Variants in ATP6V0D1 observed in about 807,000 individuals in gnomAD.
The protein encoded by ATP6V0D1 is ATPase H+ transporting V0 subunit d1.
Under a neutral mutation model 39.0 loss-of-function variants are expected in ATP6V0D1, and 13 were observed. The observed-to-expected ratio is 0.33, with a 90% CI of 0.22 to 0.53. The LOEUF is 0.53. ATP6V0D1 is among the 20% of genes least tolerant of loss of function. The pLI is 0.94. For missense variants in ATP6V0D1, 272 were observed against 470.9 expected (o/e 0.58, Z 3.91); for synonymous variants, 191 against 191.2 (o/e 1.00, Z 0.01).
chr16:67,451,052 T>C (rs1264352075), intron 2 of ATP6V0D1, among the ~76,000 whole-genome samples: 1 of 152,176 alleles, frequency 6.6e-6, no homozygotes, highest in Non-Finnish European at 1.5e-5. Flanking sequence ...TGGTGGGGTC[T>C]GCAGGGTGCT....
In ATP6V0D1 at chr16:67,447,897, G is replaced by A. The variant is rs1209410618; in HGVS notation, c.303-3191C>T. ...GCCTGTCCACTGCAGTCCCCAGCAG[G>A]TGCTCCAGTGAGCTGCTAATGACAG... On this transcript the variant is annotated intron_variant, in intron 2 of 7. Transcript: ENST00000290949. This position sits in a 1 kb window ranked among gnomAD's most constrained non-coding sequence, Gnocchi z 4.1. Among the ~76,000 whole-genome samples the A allele has an allele frequency of 6.6e-6, 1 of 152,212 alleles. No homozygotes were observed. Among genetic ancestry groups the A allele is most frequent in the Non-Finnish European group, 1.5e-5 (1 of 68,034 alleles).
At chr16:67,470,145 C>A (rs1038545691) in intron 1 of ATP6V0D1, among the ~76,000 whole-genome samples, 1 of 152,164 alleles carries the variant, frequency 6.6e-6, no homozygotes, top group African/African-American at 2.4e-5. Context: ...CTGCTACCAA[C>A]AAGGCTGGCA....
At chr16:67,466,326 TACACACACACAC>T (rs536624557) in intron 1 of ATP6V0D1, among the ~76,000 whole-genome samples, 3,227 of 120,568 alleles carry the variant, frequency 0.027, 45 homozygotes, top group Non-Finnish European at 0.034. Flanking sequence ...AGTAAACACA[TACACACACACAC>T]ACACACACAC....
intron 1 of ATP6V0D1, chr16:67,459,060 C>T (rs972712347): frequency 1.3e-5 from 13 of 985,840 alleles, no homozygotes; most frequent in Non-Finnish European, 1.6e-5. Context: ...CTCTCCCCCA[C>T]AGCCTGTGAG....
chr16:67,479,732 C>T (rs1488463958), intron 1 of ATP6V0D1, among the ~76,000 whole-genome samples: 1 of 152,172 alleles, frequency 6.6e-6, no homozygotes, highest in Non-Finnish European at 1.5e-5. Flanking sequence ...CCCCACCCAG[C>T]TACCAATTAC....
chr16:67,459,739 G>A (rs1439371292), intron 1 of ATP6V0D1, among the ~76,000 whole-genome samples: 2 of 152,238 alleles, frequency 1.3e-5, no homozygotes, highest in East Asian at 3.8e-4. Context: ...GATGGCACAC[G>A]GCTTTTTCAG....
Position 67,457,397 on chromosome 16 carries a change from G to A in ATP6V0D1, c.131-3682C>T, listed in dbSNP as rs975998117. 2.2e-5 allele frequency: 8 copies of A among 371,644 alleles called. No individual in the cohort carries two copies. In the East Asian group the frequency reaches 2.3e-4, roughly 11 times the overall value. 23.0% of individuals were successfully genotyped at this position (371,644 alleles called of 1,614,324 possible). A position where few individuals can be genotyped will look rare whatever the true frequency, so the allele number is the denominator to read the frequency against. On this transcript the variant is annotated intron_variant, in intron 1 of 7. Transcript: ENST00000290949. ...CTCCCCACTCTGCACCTCCTTTACC[G>A]CTCTATTCCCCAGCCCTTGACCCAG...
Position 67,445,907 on chromosome 16 carries a change from G to C in ATP6V0D1, c.303-1201C>G, listed in dbSNP as rs1261520672. 3 of 455,780 alleles carry C rather than the reference G, an allele frequency of 6.6e-6. No individual in the cohort carries two copies. In the Admixed American group the frequency reaches 7.1e-5, roughly 11 times the overall value. 28.2% of individuals were successfully genotyped at this position (455,780 alleles called of 1,614,324 possible). ...CAGTCTGTCACCAAAGATGAACTCA[G>C]GGTATGAGGGAGCTAAATGAGGCCT... is the stretch of plus-strand genomic sequence containing the variant. On this transcript the variant is annotated intron_variant, in intron 2 of 7. Transcript: ENST00000290949.
At chr16:67,480,235 C>A in intron 1 of ATP6V0D1, among the ~76,000 whole-genome samples, 1 of 151,192 alleles carries the variant, frequency 6.6e-6, no homozygotes, top group East Asian at 1.9e-4. Context: ...GTCAACGCCA[C>A]TCTGGAGCTG....
chr16:67,459,410 G>A (rs1399982089), intron 1 of ATP6V0D1, among the ~76,000 whole-genome samples: 1 of 152,218 alleles, frequency 6.6e-6, no homozygotes, highest in Non-Finnish European at 1.5e-5. Context: ...GGCCTGGGAA[G>A]GCTGCAGCCC....
chr16:67,439,078 G>A lies in ATP6V0D1; in HGVS notation c.709C>T (p.Arg237Cys), dbSNP rs879249040. 3 of 1,614,216 alleles carry A rather than the reference G, an allele frequency of 1.9e-6. No homozygotes were observed. The highest frequency in any genetic ancestry group is 1.7e-5 in the Admixed American group (1 of 60,024). The change falls in exon 6 of 8, where the codon CGT (arginine) becomes TGT (cysteine). Residue 237 changes from arginine (R) to cysteine (C), a missense_variant. By Grantham distance (180) the Arg-to-Cys change is radical. This residue lies in a region of ATP6V0D1 where 135 missense variants were observed against 273.8 expected (regional missense o/e 0.49). Coordinates refer to ENST00000290949, the MANE Select transcript of ATP6V0D1 (RefSeq NM_004691.5). ...CCACAGTGTGGAAAGAGCTTGGCAC[G>A]GTCCTCTTTGGACAGCTCTGTGCCG... Reference protein sequence around the residue: ...SFGTELSKEDRAKLFPHCGRL... With the variant: ...SFGTELSKEDCAKLFPHCGRL...
chr16:67,453,693 G>A lies in ATP6V0D1; in HGVS notation c.153C>T (p.Ser51=), dbSNP rs766667342. 2 of 1,614,064 alleles carry A rather than the reference G, an allele frequency of 1.2e-6. No homozygotes were observed. Among genetic ancestry groups the A allele is most frequent in the East Asian group, 2.2e-5 (1 of 44,882 alleles). ...TLEDLKLHLQ[S]TDYGNFLANE... ...TGGCCAGGAAGTTACCATAATCAGT[G>A]CTCTGCAGATGCAGTTTCAAGTCTG... The change falls in exon 2 of 8, where the codon AGC becomes AGT. Residue 51 remains serine (S), a synonymous_variant. Coordinates refer to ENST00000290949, the MANE Select transcript of ATP6V0D1 (RefSeq NM_004691.5). This position sits in a 1 kb window ranked among gnomAD's most constrained non-coding sequence, Gnocchi z 4.1.
At chr16:67,451,121 G>A (rs2041174913) in intron 2 of ATP6V0D1, among the ~76,000 whole-genome samples, 1 of 152,144 alleles carries the variant, frequency 6.6e-6, no homozygotes, top group African/African-American at 2.4e-5. Flanking sequence ...CTAAGAGGGT[G>A]AGCATGCAAG....
chr16:67,450,453 T>G (rs1180174511), intron 2 of ATP6V0D1, among the ~76,000 whole-genome samples: 1 of 152,160 alleles, frequency 6.6e-6, no homozygotes, highest in African/African-American at 2.4e-5. Context: ...GGGGATGGCC[T>G]GCTGGGGCAG....
At position 67,444,661 on chromosome 16, in the gene ATP6V0D1, C is replaced by A; in HGVS notation, c.348G>T (p.Thr116=). ...IDNVILLITG[T]LHQRSIAELV... ...GCTCAGCGATGGAGCGCTGGTGCAG[C>A]GTGCCTGTGATGAGCAGGATCACGT... Residue 116 remains threonine, a synonymous_variant, in exon 3 of 8, where the codon ACG becomes ACT. Transcript: ENST00000290949. This position sits in a 1 kb window ranked among gnomAD's most constrained non-coding sequence, Gnocchi z 4.8. 2 of 1,611,518 alleles carry A rather than the reference C, an allele frequency of 1.2e-6. No homozygotes were observed. Among genetic ancestry groups the A allele is most frequent in the Non-Finnish European group, 1.7e-6 (2 of 1,178,372 alleles).
At chr16:67,449,843 T>TCCTCACATAACCA (rs1209867117) in intron 2 of ATP6V0D1, among the ~76,000 whole-genome samples, 12 of 152,366 alleles carry the variant, frequency 7.9e-5, no homozygotes, top group Non-Finnish European at 1.6e-4. Flanking sequence ...TGTGTGCGGC[T>TCCTCACATAACCA]GAAGGCTGGC....
intron 1 of ATP6V0D1, among the ~76,000 whole-genome samples, chr16:67,463,999 C>G (rs571898639): frequency 6.6e-6 from 1 of 152,210 alleles, no homozygotes; most frequent in Non-Finnish European, 1.5e-5. Context: ...ATTCCAGGAC[C>G]CTGTGCTCTC....
intron 3 of ATP6V0D1, chr16:67,443,498 C>T (rs2041078491): frequency 3.3e-6 from 1 of 299,882 alleles, no homozygotes; most frequent in African/African-American, 2.1e-5. Flanking sequence ...GAGGCCATGA[C>T]ATCCTCCCTT....
rs763260479 is a variant in ATP6V0D1, at chr16:67,444,562, C to T, written c.447G>A (p.Glu149=). ...EAVNIAQTPA[E]LYNAILVDTP... is the part of the protein sequence containing the mutation. ...TGTCCACCAGAATGGCATTGTAGAG[C>T]TCAGCAGGTGTCTGAGCAATGTTCA... The change falls in exon 3 of 8, where the codon GAG becomes GAA. Residue 149 remains glutamate (E), a synonymous_variant. Transcript: ENST00000290949. This position sits in a 1 kb window ranked among gnomAD's most constrained non-coding sequence, Gnocchi z 4.8. The T allele has an allele frequency of 2.5e-6, 4 of 1,611,770 alleles. No homozygotes were observed. The East Asian group carries it at 8.9e-5, about 36-fold the overall frequency.
Sources: gnomAD v4.1 joint callset for allele counts (sites outside exome capture counted in the v4.1 genomes callset) on GRCh38, gnomAD v4.1.1 for gene constraint, gnomAD v4.1.1 regional missense constraint, Gnocchi (gnomAD v3.1) non-coding constraint, MANE v1.5 for transcripts, NCBI Gene and HGNC (gene_info 2026-07-23, HGNC 2026-07-21) for gene names.